The following DEFB121 variants were observed in gnomAD, a reference collection of about 807,000 sequenced individuals.
DEFB121 encodes beta-defensin 121.
A neutral mutation model predicts 2.5 loss-of-function variants in DEFB121; 5 were observed. That is an observed-to-expected ratio of 1.96 (90% CI 1.03 to 4.13). The LOEUF is 4.13. DEFB121 is among the 30% of genes most tolerant of loss of function. The pLI is 0.00. For synonymous variants in DEFB121, 39 were observed against 32.6 expected (o/e 1.20, Z -0.67); for missense variants, 87 against 85.0 (o/e 1.02, Z -0.09).
chr20:31,410,823 TGAGAGAGAGAGAGAGA>T (rs72164704), upstream of DEFB121, among the ~76,000 whole-genome samples: 6 of 136,048 alleles, frequency 4.4e-5, no homozygotes, highest in Non-Finnish European at 8.0e-5. Flanking sequence ...CCTTGAAAAA[TGAGAGAGAGAGAGAGA>T]GAGAGAGAGA....
In DEFB121 at chr20:31,404,917, A is replaced by G; in HGVS notation, c.227T>C (p.Val76Ala). 6.2e-7 allele frequency: 1 copy of G among 1,613,894 alleles called. No individual in the cohort carries two copies. Residue 76 changes from valine to alanine, a missense_variant, in exon 2 of 2, where the codon GTC becomes GCC. Physicochemically the swap from Val to Ala is moderately conservative, Grantham distance 64. Transcript: ENST00000376314. ...TNTSLESTSA[V>A] ...CTCAAGGTTGGAAGAGAGGTGTCAG[A>G]CTGCAGAAGTTGATTCCAGGCTTGT...
the DEFB121 span, among the ~76,000 whole-genome samples, chr20:31,418,269 A>AAAG: frequency 1.1e-4 from 10 of 92,184 alleles, no homozygotes; most frequent in African/African-American, 5.2e-4. Flanking sequence ...CAAAAAAAAA[A>AAAG]AAAAAAAAAA....
At chr20:31,406,904 A>G (rs2122350496), upstream of DEFB121, among the ~76,000 whole-genome samples, 1 of 152,186 alleles carries the variant, frequency 6.6e-6, no homozygotes, top group South Asian at 2.1e-4. Context: ...GTCTCAAGCA[A>G]TTCTCCTGCT....
upstream of DEFB121, among the ~76,000 whole-genome samples, chr20:31,408,948 C>A (rs971627905): frequency 2.6e-5 from 4 of 151,874 alleles, no homozygotes. Flanking sequence ...ATTGTTTGAA[C>A]CTGGGAGGCA....
At chr20:31,417,453 A>G (rs1568742075), upstream of DEFB121, among the ~76,000 whole-genome samples, 1 of 152,218 alleles carries the variant, frequency 6.6e-6, no homozygotes, top group East Asian at 1.9e-4. Flanking sequence ...AAATAAAAGC[A>G]GTAGAGAAAA....
upstream of DEFB121, among the ~76,000 whole-genome samples, chr20:31,407,036 A>C (rs1978502968): frequency 6.6e-6 from 1 of 152,126 alleles, no homozygotes; most frequent in South Asian, 2.1e-4. Context: ...TCACAAGTTC[A>C]GGAGATCGAG....
chr20:31,417,963 C>A, the DEFB121 span, among the ~76,000 whole-genome samples: 2 of 145,700 alleles, frequency 1.4e-5, no homozygotes, highest in South Asian at 4.3e-4. Context: ...AACTCCATTT[C>A]GAAAAAAGGG....
upstream of DEFB121, among the ~76,000 whole-genome samples, chr20:31,415,516 C>G (rs987691988): frequency 6.6e-6 from 1 of 152,150 alleles, no homozygotes; most frequent in Non-Finnish European, 1.5e-5. Flanking sequence ...TCCCAAAGTA[C>G]TGGGATTACA....
exon 1 of DEFB121, chr20:31,412,712 T>C: frequency 3.9e-6 from 5 of 1,273,870 alleles, no homozygotes; most frequent in South Asian, 2.5e-5. Flanking sequence ...CAACGCTCAA[T>C]ACAAGGGACA....
At chr20:31,415,238 T>C (rs1219966535), upstream of DEFB121, among the ~76,000 whole-genome samples, 3 of 151,170 alleles carry the variant, frequency 2.0e-5, no homozygotes. Flanking sequence ...GAATATTTGA[T>C]GTACAGTCCT....
chr20:31,410,238 C>G (rs538905823), upstream of DEFB121, among the ~76,000 whole-genome samples: 1 of 152,150 alleles, frequency 6.6e-6, no homozygotes, highest in Non-Finnish European at 1.5e-5. Context: ...AGGTCATTAT[C>G]CTAAGCCAAC....
intron 1 of DEFB121, chr20:31,412,538 C>T (rs2122361102): frequency 2.0e-6 from 2 of 1,022,930 alleles, no homozygotes; most frequent in South Asian, 2.7e-5. Flanking sequence ...TTAGGTGATG[C>T]TTGTAAAGCT....
chr20:31,406,608 G>A (rs979622518), upstream of DEFB121, among the ~76,000 whole-genome samples: 6 of 152,126 alleles, frequency 3.9e-5, no homozygotes, highest in Admixed American at 6.6e-5. Flanking sequence ...ACCAAATGAA[G>A]GGCAGAGCAG....
chr20:31,411,284 C>T (rs2376549), intron 1 of DEFB121, among the ~76,000 whole-genome samples: 65,955 of 152,032 alleles, frequency 0.43, 16,851 homozygotes, highest in East Asian at 0.74. Flanking sequence ...CTTAAGATTC[C>T]ACATCTTAAC....
upstream of DEFB121, among the ~76,000 whole-genome samples, chr20:31,416,598 C>A (rs1014622110): frequency 3.3e-5 from 5 of 152,160 alleles, no homozygotes; most frequent in African/African-American, 4.8e-5. Flanking sequence ...TCTAAACAAC[C>A]CTTGCCTTCT....
chr20:31,414,591 A>T (rs1249756341), upstream of DEFB121, among the ~76,000 whole-genome samples: 2 of 152,256 alleles, frequency 1.3e-5, no homozygotes, highest in Non-Finnish European at 2.9e-5. Context: ...AGTGAAATAA[A>T]CCAGTCACGG....
chr20:31,415,640 T>A (rs1041482419), upstream of DEFB121, among the ~76,000 whole-genome samples: 1 of 113,450 alleles, frequency 8.8e-6, no homozygotes, highest in Non-Finnish European at 1.9e-5. Context: ...GGCTGTCTAA[T>A]CAAAATAAAT....
upstream of DEFB121, among the ~76,000 whole-genome samples, chr20:31,406,885 G>A (rs1024291862): frequency 1.3e-4 from 20 of 151,862 alleles, no homozygotes; most frequent in Non-Finnish European, 2.1e-4. Flanking sequence ...CTGGAACCTC[G>A]AATTCCTGGT....
At chr20:31,406,286 C>A (rs969419797), upstream of DEFB121, 3 of 1,447,384 alleles carry the variant, frequency 2.1e-6, no homozygotes, top group Admixed American at 5.0e-5. Flanking sequence ...TGAACCAGAA[C>A]GGGAACAGTC....
Sources: gnomAD v4.1 joint callset for allele counts (sites outside exome capture counted in the v4.1 genomes callset) on GRCh38, gnomAD v4.1.1 for gene constraint, MANE v1.5 for transcripts, NCBI Gene and HGNC (gene_info 2026-07-23, HGNC 2026-07-21) for gene names.